The following FPGS variants were observed in gnomAD, a reference collection of about 807,000 sequenced individuals.
The protein encoded by FPGS is folylpolyglutamate synthase, also known as folylpolyglutamate synthase, mitochondrial.
A neutral mutation model predicts 66.5 loss-of-function variants in FPGS; 53 were observed. The observed-to-expected ratio is 0.80, with a 90% CI of 0.64 to 1.00. The LOEUF (loss-of-function observed/expected upper bound fraction) is 1.00, where lower values mean the gene tolerates loss of function less well. FPGS is among the 50% of genes least tolerant of loss of function. The pLI is 0.00. For missense variants in FPGS, 702 were observed against 807.7 expected, an observed-to-expected ratio of 0.87 and a Z score of 1.59; for synonymous variants, 348 against 350.9, an observed-to-expected ratio of 0.99 and a Z score of 0.09.
intron 14 of FPGS, among the ~76,000 whole-genome samples, chr9:127,811,216 C>G (rs529190566): frequency 6.6e-6 from 1 of 152,182 alleles, no homozygotes; most frequent in South Asian, 2.1e-4. Flanking sequence ...CGGTGGCTCA[C>G]GCCTGTAATC....
At position 127,807,518 on chromosome 9, in the gene FPGS, A is replaced by G; in HGVS notation, c.641+36A>G. ...TTGCTTGGGACGAGGGGTGGCAGCC[A>G]GGAGCACAGCCTCACCTGCCGCCTG... is the stretch of plus-strand genomic sequence containing the variant. On this transcript the variant is annotated intron_variant, in intron 7 of 14. Coordinates refer to ENST00000373247, the MANE Select transcript of FPGS (RefSeq NM_004957.6). This position sits in a 1 kb window ranked among gnomAD's most constrained non-coding sequence, Gnocchi z 5.8. The G allele has an allele frequency of 1.9e-6, 3 of 1,613,406 alleles. No homozygotes were observed. Among genetic ancestry groups the G allele is most frequent in the Non-Finnish European group, 2.5e-6 (3 of 1,179,556 alleles).
At chr9:127,803,382 G>A (rs769467234) in intron 1 of FPGS, 20 of 1,105,988 alleles carry the variant, frequency 1.8e-5, no homozygotes, top group Non-Finnish European at 2.1e-5. Context: ...AGTCTGAACC[G>A]GCAGTGAGAG....
At chr9:127,809,512 C>T (rs1197437114) in intron 11 of FPGS, among the ~76,000 whole-genome samples, 172 bp from the exon 12 acceptor site, 1 of 152,144 alleles carries the variant, frequency 6.6e-6, no homozygotes, top group Admixed American at 6.5e-5. Context: ...ATGAGACAGC[C>T]GAAAAGCCCA....
chr9:127,808,787 A>T lies in FPGS; in HGVS notation c.971-13A>T. On this transcript the variant is annotated splice_polypyrimidine_tract_variant and intron_variant, in intron 10 of 14. Coordinates refer to ENST00000373247, the MANE Select transcript of FPGS (RefSeq NM_004957.6). ...GAGGGTCCCGGACACACTTGGTCTC[A>T]CACACCCCGCAGGTGCTGGGGAGCC... 6.4e-7 allele frequency: 1 copy of T among 1,556,074 alleles called. No individual in the cohort carries two copies. The highest frequency in any genetic ancestry group is 8.7e-7 in the Non-Finnish European group (1 of 1,149,710).
Position 127,809,784 on chromosome 9 carries a change from C to G in FPGS, c.1161C>G (p.Ala387=). The G allele has an allele frequency of 6.5e-7, 1 of 1,540,344 alleles. No individual in the cohort carries two copies. Among genetic ancestry groups the G allele is most frequent in the East Asian group, 2.5e-5 (1 of 40,014 alleles). ...DGAHTASSAQ[A]CVRWFRQALQ... is the part of the protein sequence containing the mutation. Reference sequence around the variant, plus strand: ...CGCACACCGCCAGCAGCGCGCAGGCCTGCGTGCGCTGGTTCCGCCAGGCGC... The same window carrying G: ...CGCACACCGCCAGCAGCGCGCAGGCGTGCGTGCGCTGGTTCCGCCAGGCGC... The change falls in exon 12 of 15, where the codon GCC becomes GCG. Residue 387 remains alanine, a synonymous_variant. Transcript: ENST00000373247.
chr9:127,812,723 C>T (rs2131861750), intron 14 of FPGS, among the ~76,000 whole-genome samples: 1 of 152,000 alleles, frequency 6.6e-6, no homozygotes, highest in South Asian at 2.1e-4. Flanking sequence ...GACGGGGTTT[C>T]ACCATGTTGG....
intron 13 of FPGS, 42 bp from the exon 14 acceptor site, chr9:127,810,903 C>A: frequency 1.7e-6 from 2 of 1,167,982 alleles, no homozygotes; most frequent in Admixed American, 2.0e-5. Context: ...GGTGGACATC[C>A]TTTCGGGGGT....
chr9:127,808,031 G>A (rs1262427190), intron 8 of FPGS: 12 of 583,380 alleles, frequency 2.1e-5, no homozygotes, highest in South Asian at 6.4e-5. Context: ...ACTCGAACCC[G>A]GGAGGCAGAC....
rs933065275 is a variant in FPGS at position 127,813,775 on chromosome 9, T to G, written c.*171T>G. 12 of 1,301,526 alleles carry G rather than the reference T, an allele frequency of 9.2e-6. No homozygotes were observed. In the African/African-American group the frequency reaches 1.5e-4, roughly 17 times the overall value. 80.6% of individuals were successfully genotyped at this position (1,301,526 alleles called of 1,614,324 possible). A position where few individuals can be genotyped will look rare whatever the true frequency, so the allele number is the denominator to read the frequency against. On this transcript the variant is annotated 3_prime_UTR_variant, in exon 15 of 15. Transcript: ENST00000373247. The stretch of plus-strand genomic sequence containing the variant: ...AGAGGATGTCTTTTTTAAGGCTCTG[T>G]GCCTTGGTCTCTCCTTCCTCTTGGC...
At chr9:127,803,497 G>A in intron 1 of FPGS, 6 of 827,938 alleles carry the variant, frequency 7.2e-6, no homozygotes, top group Non-Finnish European at 8.8e-6. Flanking sequence ...GGGGATCCAA[G>A]TGCCTGGATT....
rs1830159278 is a variant in FPGS, at chr9:127,813,192, C to T, written c.1355-3C>T. The stretch of plus-strand genomic sequence containing the variant: ...CTGATAGGCCTTTCTCTGTGCCCCA[C>T]AGACCAACAGAACTTCACAGTGACA... On this transcript the variant is annotated splice_region_variant and splice_polypyrimidine_tract_variant and intron_variant, in intron 14 of 14. Coordinates refer to ENST00000373247, the MANE Select transcript of FPGS (RefSeq NM_004957.6). 1 of 1,568,242 alleles carries T rather than the reference C, an allele frequency of 6.4e-7. No homozygotes were observed. The highest frequency in any genetic ancestry group is 1.2e-5 in the South Asian group (1 of 84,828).
At position 127,807,473 on chromosome 9, in the gene FPGS, ACAT is replaced by A. The variant is rs1411112013; in HGVS notation, c.638_640del (p.Ile213del). 2.0e-5 allele frequency: 32 copies of A among 1,614,110 alleles called. No individual in the cohort carries two copies. The highest frequency in any genetic ancestry group is 2.6e-5 in the Non-Finnish European group (31 of 1,179,996). Reference sequence around the variant, plus strand: ...ATTGGCGGGGCTTATGACTGCACCAACATCATCAGGTGAGCGCAGTTGCTTGGG... The same window carrying A: ...ATTGGCGGGGCTTATGACTGCACCAACATCAGGTGAGCGCAGTTGCTTGGG... On this transcript the variant is annotated inframe_deletion, in exon 7 of 15. Transcript: ENST00000373247. The surrounding 1 kb of genome is among the most constrained non-coding windows in gnomAD (Gnocchi z 5.8).
chr9:127,805,274 T>G (rs1216536102), intron 4 of FPGS, among the ~76,000 whole-genome samples: 1 of 152,118 alleles, frequency 6.6e-6, no homozygotes, highest in Non-Finnish European at 1.5e-5. Flanking sequence ...TCCAGTGTGG[T>G]GGCTCATGCC....
intron 4 of FPGS, among the ~76,000 whole-genome samples, chr9:127,805,932 C>A (rs1364982127): frequency 6.6e-6 from 1 of 152,246 alleles, no homozygotes. Flanking sequence ...TCACCACGAA[C>A]TTCTGAAATC....
At chr9:127,813,125 G>T (rs561963208) in intron 14 of FPGS, 70 bp from the exon 15 acceptor site, 9 of 1,495,360 alleles carry the variant, frequency 6.0e-6, no homozygotes, top group African/African-American at 5.6e-5. Context: ...CGGTGCACCC[G>T]CCCCTTTCTC....
intron 12 of FPGS, 82 bp from the exon 13 acceptor site, chr9:127,809,949 C>T (rs986217313): frequency 4.2e-5 from 11 of 264,092 alleles, no homozygotes; most frequent in Non-Finnish European, 6.4e-5. Flanking sequence ...TGGGGAGGGG[C>T]GGGGTCGTGG....
Position 127,811,028 on chromosome 9 carries a change from A to G in FPGS, c.1354+17A>G, listed in dbSNP as rs1260572268. 2 of 1,554,012 alleles carry G rather than the reference A, an allele frequency of 1.3e-6. No individual in the cohort carries two copies. The highest frequency in any genetic ancestry group is 2.3e-5 in the South Asian group (2 of 85,770). ...GCAACGCAGGTGAGAGGTGACAGGC[A>G]TGGCCCCTGGGGATGAGCAGGGGTC... On this transcript the variant is annotated intron_variant, in intron 14 of 14. Coordinates refer to ENST00000373247, the MANE Select transcript of FPGS (RefSeq NM_004957.6).
intron 12 of FPGS, 56 bp from the exon 13 acceptor site, chr9:127,809,975 G>T: frequency 6.5e-7 from 1 of 1,537,572 alleles, no homozygotes; most frequent in Non-Finnish European, 8.8e-7. Flanking sequence ...GACGGGATTG[G>T]TACCGCAGGG....
At chr9:127,806,932 G>T (rs201862642) in intron 4 of FPGS, 41 bp from the exon 5 acceptor site, 2 of 1,485,586 alleles carry the variant, frequency 1.3e-6, no homozygotes, top group South Asian at 2.3e-5. Flanking sequence ...AGGCCAGGAC[G>T]CTCGGGAAGG....
Sources: allele counts gnomAD v4.1 joint callset (sites outside exome capture counted in the v4.1 genomes callset), GRCh38; gene constraint gnomAD v4.1.1; non-coding constraint Gnocchi (gnomAD v3.1); transcripts MANE v1.5; gene names NCBI Gene and HGNC (gene_info 2026-07-23, HGNC 2026-07-21).